Variants in CXCL13 observed in about 807,000 individuals in gnomAD.
CXCL13 encodes C-X-C motif chemokine ligand 13, also known as C-X-C motif chemokine 13.
CXCL13 carries 7 observed loss-of-function variants against 12.2 expected under a neutral mutation model. The observed-to-expected ratio is 0.57, with a 90% CI of 0.33 to 1.07. CXCL13 has a LOEUF of 1.07. CXCL13 is among the 50% of genes least tolerant of loss of function. The pLI is 0.04. For missense variants in CXCL13, 113 were observed against 127.4 expected, an observed-to-expected ratio of 0.89 and a Z score of 0.55; for synonymous variants, 47 against 42.4, an observed-to-expected ratio of 1.11 and a Z score of -0.42.
At chr4:77,574,408 G>A (rs946581426) in intron 1 of CXCL13, among the ~76,000 whole-genome samples, 1 of 151,854 alleles carries the variant, frequency 6.6e-6, no homozygotes, top group African/African-American at 2.4e-5. Flanking sequence ...CCTATATTTT[G>A]TATCATGTTA....
intron 1 of CXCL13, among the ~76,000 whole-genome samples, chr4:77,566,809 A>G (rs925699347): frequency 6.6e-6 from 1 of 152,206 alleles, no homozygotes; most frequent in African/African-American, 2.4e-5. Context: ...CACAACCTTA[A>G]GAATGGTTTT....
intron 1 of CXCL13, among the ~76,000 whole-genome samples, chr4:77,519,089 G>A (rs550389304): frequency 2.5e-4 from 38 of 152,292 alleles, no homozygotes; most frequent in African/African-American, 7.2e-4. Context: ...TATCAGCAGC[G>A]GTGTCTGCAG....
At chr4:77,544,026 C>T (rs533485732) in intron 1 of CXCL13, among the ~76,000 whole-genome samples, 45 of 152,074 alleles carry the variant, frequency 3.0e-4, no homozygotes, top group African/African-American at 8.4e-4. Flanking sequence ...CGATATTTTG[C>T]GAGAATGATG....
upstream of CXCL13, among the ~76,000 whole-genome samples, chr4:77,603,560 G>T (rs1222021740): frequency 6.6e-6 from 1 of 152,134 alleles, no homozygotes; most frequent in Non-Finnish European, 1.5e-5. Context: ...AGATCAACAG[G>T]TTTCAAAAAG....
intron 1 of CXCL13, among the ~76,000 whole-genome samples, chr4:77,566,199 G>C (rs775957593): frequency 6.6e-6 from 1 of 152,150 alleles, no homozygotes; most frequent in Non-Finnish European, 1.5e-5. Flanking sequence ...CTTCCGTCCC[G>C]CTTCAGCAAA....
intron 1 of CXCL13, among the ~76,000 whole-genome samples, chr4:77,530,784 CTCTGA>C (rs1179755541): frequency 1.3e-5 from 2 of 152,162 alleles, no homozygotes; most frequent in Non-Finnish European, 2.9e-5. Flanking sequence ...TTCAGTTCTG[CTCTGA>C]TCTTAGTTAT....
At chr4:77,571,874 C>T (rs1205449895) in intron 1 of CXCL13, among the ~76,000 whole-genome samples, 2 of 151,762 alleles carry the variant, frequency 1.3e-5, no homozygotes, top group African/African-American at 4.9e-5. Flanking sequence ...CAGCTTCACT[C>T]CTGAGCCCTG....
chr4:77,531,833 T>C (rs971514304), intron 1 of CXCL13, among the ~76,000 whole-genome samples: 45 of 152,304 alleles, frequency 3.0e-4, no homozygotes, highest in Non-Finnish European at 6.0e-4. Flanking sequence ...TCTTTGTTGG[T>C]TTAAAGTCTG....
At chr4:77,560,732 G>T (rs754147100) in intron 1 of CXCL13, among the ~76,000 whole-genome samples, 5 of 152,116 alleles carry the variant, frequency 3.3e-5, no homozygotes, top group Non-Finnish European at 7.4e-5. Flanking sequence ...TAAACATCAC[G>T]CACGGTCTTT....
chr4:77,549,907 T>A (rs951231892), intron 1 of CXCL13, among the ~76,000 whole-genome samples: 1 of 152,172 alleles, frequency 6.6e-6, no homozygotes, highest in East Asian at 1.9e-4. Context: ...TCTGCAGAAG[T>A]TTCTGTTGCC....
chr4:77,519,380 A>G (rs1291700639), intron 1 of CXCL13, among the ~76,000 whole-genome samples: 1 of 152,190 alleles, frequency 6.6e-6, no homozygotes, highest in Admixed American at 6.5e-5. Context: ...GGAGCTGTAG[A>G]CCGGAGCTGT....
intron 1 of CXCL13, among the ~76,000 whole-genome samples, chr4:77,538,266 C>T (rs1047712477): frequency 3.9e-5 from 6 of 152,170 alleles, no homozygotes; most frequent in African/African-American, 1.4e-4. Flanking sequence ...CAAAAAGAGA[C>T]TGCCTCAGAG....
intron 1 of CXCL13, among the ~76,000 whole-genome samples, chr4:77,520,734 C>G (rs1239795774): frequency 2.0e-5 from 3 of 152,114 alleles, no homozygotes; most frequent in Non-Finnish European, 4.4e-5. Flanking sequence ...TTGTCCTGGC[C>G]AGAACTTCCA....
intron 1 of CXCL13, 78 bp downstream of exon 1, chr4:77,606,007 A>T: frequency 1.0e-6 from 1 of 990,782 alleles, no homozygotes; most frequent in Non-Finnish European, 1.5e-6. Flanking sequence ...TTCGATTAAA[A>T]ACCGCAGGGA....
intron 1 of CXCL13, among the ~76,000 whole-genome samples, chr4:77,566,975 A>G (rs1033236827): frequency 6.6e-6 from 1 of 152,138 alleles, no homozygotes; most frequent in Non-Finnish European, 1.5e-5. Flanking sequence ...AAGATTCACA[A>G]ATGAAGTGAA....
intron 1 of CXCL13, among the ~76,000 whole-genome samples, chr4:77,547,337 A>C (rs568736095): frequency 1.3e-5 from 2 of 152,160 alleles, no homozygotes; most frequent in Non-Finnish European, 2.9e-5. Flanking sequence ...GGGTGTTTAC[A>C]TATCACATTA....
At chr4:77,534,420 A>C (rs1003554978) in intron 1 of CXCL13, among the ~76,000 whole-genome samples, 1 of 152,206 alleles carries the variant, frequency 6.6e-6, no homozygotes, top group South Asian at 2.1e-4. Context: ...AAACGACCAA[A>C]TTATTGATAT....
chr4:77,528,846 C>T (rs1000813662), intron 1 of CXCL13, among the ~76,000 whole-genome samples: 1 of 152,158 alleles, frequency 6.6e-6, no homozygotes, highest in Non-Finnish European at 1.5e-5. Context: ...GACATGAAGT[C>T]CTTGCCCATG....
chr4:77,516,288 G>T (rs1373090478), intron 1 of CXCL13, among the ~76,000 whole-genome samples: 1 of 152,122 alleles, frequency 6.6e-6, no homozygotes, highest in Non-Finnish European at 1.5e-5. Context: ...TTGTGTCTCT[G>T]CCCGGCTTTG....
Sources: allele counts gnomAD v4.1 joint callset (sites outside exome capture counted in the v4.1 genomes callset), GRCh38; gene constraint gnomAD v4.1.1; transcripts MANE v1.5; gene names NCBI Gene and HGNC (gene_info 2026-07-23, HGNC 2026-07-21).